Variants in L3MBTL4 observed in about 807,000 individuals in gnomAD.
L3MBTL4 encodes L3MBTL histone methyl-lysine binding protein 4, also known as lethal(3)malignant brain tumor-like protein 4.
In L3MBTL4, 70 loss-of-function variants were observed where a neutral mutation model predicts 84.5. The observed-to-expected ratio is 0.83, with a 90% CI of 0.68 to 1.01. L3MBTL4 has a LOEUF of 1.01. L3MBTL4 is among the 50% of genes least tolerant of loss of function. The pLI, the probability that L3MBTL4 is intolerant of heterozygous loss-of-function variation, is 0.00. For synonymous variants in L3MBTL4, 274 were observed against 259.8 expected (o/e 1.05, Z -0.52); for missense variants, 715 against 754.8 (o/e 0.95, Z 0.62).
At chr18:6,096,829 A>C (rs2058659864) in intron 14 of L3MBTL4, among the ~76,000 whole-genome samples, 1 of 152,216 alleles carries the variant, frequency 6.6e-6, no homozygotes, top group Non-Finnish European at 1.5e-5. Context: ...GTCAAAGTAA[A>C]CTGTCAGTGT....
At chr18:6,078,496 C>T (rs549031895) in intron 16 of L3MBTL4, among the ~76,000 whole-genome samples, 3 of 144,714 alleles carry the variant, frequency 2.1e-5, no homozygotes, top group South Asian at 4.4e-4. Context: ...ATATTATGAT[C>T]AGATTTGCAG....
chr18:6,008,870 G>A (rs908787645), intron 16 of L3MBTL4, among the ~76,000 whole-genome samples: 3 of 152,116 alleles, frequency 2.0e-5, no homozygotes, highest in Non-Finnish European at 4.4e-5. Flanking sequence ...GTTGTCTGAC[G>A]GATTGACATA....
intron 1 of L3MBTL4, among the ~76,000 whole-genome samples, chr18:6,342,739 T>C (rs1471519356): frequency 5.3e-5 from 8 of 152,134 alleles, no homozygotes; most frequent in African/African-American, 1.9e-4. Context: ...TGCCTATCAA[T>C]AATTATTTTA....
intron 14 of L3MBTL4, among the ~76,000 whole-genome samples, chr18:6,116,008 T>C (rs1409027039): frequency 6.6e-6 from 1 of 152,100 alleles, no homozygotes; most frequent in Non-Finnish European, 1.5e-5. Context: ...CAACAGCATC[T>C]TGGGAGTGGG....
chr18:6,113,054 CA>C (rs139916670), intron 14 of L3MBTL4, among the ~76,000 whole-genome samples: 2 of 152,274 alleles, frequency 1.3e-5, no homozygotes, highest in East Asian at 3.9e-4. Context: ...CATCGCAGAA[CA>C]GAGCCCATAT....
intron 16 of L3MBTL4, among the ~76,000 whole-genome samples, chr18:5,989,319 G>T (rs1335704058): frequency 6.6e-6 from 1 of 152,112 alleles, no homozygotes; most frequent in Non-Finnish European, 1.5e-5. Context: ...TACTACCTCT[G>T]AACTAGCACA....
rs9958129 is a variant in L3MBTL4, at chr18:6,146,272, C to A, written c.1097-7976G>T. Among the ~76,000 whole-genome samples the A allele has an allele frequency of 2.6e-3, 400 of 152,276 alleles. 2 individuals carry two copies. The highest frequency in any genetic ancestry group is 9.1e-3 in the African/African-American group (380 of 41,558). ...CGACTGGAGTCAGCCCTTCAGAGCC[C>A]ACACAGGCAGCATCCACACCGCTAT... On this transcript the variant is annotated intron_variant, in intron 13 of 18. Coordinates refer to ENST00000317931, the MANE Select transcript of L3MBTL4 (RefSeq NM_001330559.2).
intron 1 of L3MBTL4, among the ~76,000 whole-genome samples, chr18:6,394,541 C>T (rs917188708): frequency 2.6e-5 from 4 of 152,030 alleles, no homozygotes; most frequent in Admixed American, 2.0e-4. Flanking sequence ...TGCTTATTGA[C>T]GGCCTCTCCC....
intron 16 of L3MBTL4, among the ~76,000 whole-genome samples, chr18:6,063,708 T>A (rs910474009): frequency 2.0e-5 from 3 of 152,066 alleles, no homozygotes; most frequent in South Asian, 2.1e-4. Flanking sequence ...GATTATTATT[T>A]TTTTTTCTTG....
intron 16 of L3MBTL4, among the ~76,000 whole-genome samples, chr18:6,067,590 C>T (rs545607352): frequency 2.0e-5 from 3 of 152,246 alleles, no homozygotes; most frequent in Non-Finnish European, 2.9e-5. Flanking sequence ...AACTTTTCCA[C>T]TGTATTTTGC....
intron 1 of L3MBTL4, among the ~76,000 whole-genome samples, chr18:6,369,415 C>G (rs2054067762): frequency 6.6e-6 from 1 of 152,110 alleles, no homozygotes; most frequent in South Asian, 2.1e-4. Flanking sequence ...CCACAATGCA[C>G]AGGACAGCCC....
intron 1 of L3MBTL4, among the ~76,000 whole-genome samples, chr18:6,401,066 A>G (rs1270668665): frequency 6.6e-6 from 1 of 152,060 alleles, no homozygotes; most frequent in Admixed American, 6.6e-5. Context: ...TTAGCAAAAG[A>G]CTTCATAAAA....
chr18:5,987,195 C>A (rs1313828728), intron 16 of L3MBTL4, among the ~76,000 whole-genome samples: 1 of 152,190 alleles, frequency 6.6e-6, no homozygotes, highest in African/African-American at 2.4e-5. Flanking sequence ...CCATTTTGTT[C>A]CCTTCTTTTG....
chr18:6,235,408 C>G (rs2047177522), intron 10 of L3MBTL4, among the ~76,000 whole-genome samples: 2 of 151,570 alleles, frequency 1.3e-5, no homozygotes, highest in African/African-American at 4.8e-5. Flanking sequence ...CTAATAATAA[C>G]CAAAAGGTAC....
intron 16 of L3MBTL4, among the ~76,000 whole-genome samples, chr18:5,973,591 T>C (rs2052758940): frequency 6.6e-6 from 1 of 152,188 alleles, no homozygotes; most frequent in Admixed American, 6.5e-5. Context: ...CACTAAAAAG[T>C]TGTTAATAAA....
intron 15 of L3MBTL4, among the ~76,000 whole-genome samples, chr18:6,083,348 C>G (rs2058143733): frequency 6.6e-6 from 1 of 152,108 alleles, no homozygotes; most frequent in African/African-American, 2.4e-5. Context: ...TTTTGAGGAC[C>G]TGAATAAGCT....
chr18:6,393,573 G>A (rs1013597831), intron 1 of L3MBTL4, among the ~76,000 whole-genome samples: 5 of 152,154 alleles, frequency 3.3e-5, no homozygotes, highest in South Asian at 2.1e-4. Flanking sequence ...CATCTCAGGC[G>A]GCAACACTCT....
chr18:6,264,040 T>C lies in L3MBTL4; in HGVS notation c.128-2A>G. 6.2e-7 allele frequency: 1 copy of C among 1,605,840 alleles called. No homozygotes were observed. Among genetic ancestry groups the C allele is most frequent in the East Asian group, 2.2e-5 (1 of 44,848 alleles). On this transcript the variant is annotated splice_acceptor_variant, in intron 4 of 18. Transcript: ENST00000317931. LOFTEE classifies it high-confidence loss of function. ...CTCCCTGTGCAGCCGCTGAAGGGACTGGAAGAGAAAACACAATGACTTTTC... is the reference window on the plus strand; with the variant it reads ...CTCCCTGTGCAGCCGCTGAAGGGACCGGAAGAGAAAACACAATGACTTTTC...
intron 5 of L3MBTL4, among the ~76,000 whole-genome samples, chr18:6,251,652 C>T (rs1020531038): frequency 6.6e-6 from 1 of 152,168 alleles, no homozygotes; most frequent in African/African-American, 2.4e-5. Context: ...CACCATCCCC[C>T]TTGCTAATTA....
Sources: allele counts gnomAD v4.1 joint callset (sites outside exome capture counted in the v4.1 genomes callset), GRCh38; gene constraint gnomAD v4.1.1; transcripts MANE v1.5; gene names NCBI Gene and HGNC (gene_info 2026-07-23, HGNC 2026-07-21).